PHF24: variants seen among roughly 807,000 people sequenced by gnomAD.
The protein encoded by PHF24 is Galpha inhibitory interacting protein.
PHF24 carries 25 observed loss-of-function variants against 42.6 expected under a neutral mutation model. The observed-to-expected ratio is 0.59, with a 90% confidence interval of 0.43 to 0.82. The LOEUF (loss-of-function observed/expected upper bound fraction) is 0.82, where lower values mean the gene tolerates loss of function less well. PHF24 is among the 40% of genes least tolerant of loss of function. PHF24 has a pLI of 0.00. For synonymous variants in PHF24, 185 were observed against 204.8 expected (o/e 0.90, Z 0.83); for missense variants, 470 against 538.1 (o/e 0.87, Z 1.25).
chr9:34,886,952 C>G, the PHF24 span, among the ~76,000 whole-genome samples: 5 of 152,090 alleles, frequency 3.3e-5, no homozygotes, highest in East Asian at 9.6e-4. Flanking sequence ...GTTATCTAAG[C>G]AACATATACA....
the PHF24 span, among the ~76,000 whole-genome samples, chr9:34,821,324 C>T: frequency 4.0e-5 from 6 of 151,870 alleles, no homozygotes; most frequent in Non-Finnish European, 5.9e-5. Context: ...TGGTTTATGA[C>T]GTTTATTTCT....
At chr9:34,920,513 G>C in the PHF24 span, among the ~76,000 whole-genome samples, 1 of 152,018 alleles carries the variant, frequency 6.6e-6, no homozygotes, top group African/African-American at 2.4e-5. Context: ...TGAAATTTAA[G>C]ATTATTTTTT....
At chr9:34,807,172 T>C in the PHF24 span, among the ~76,000 whole-genome samples, 1 of 152,224 alleles carries the variant, frequency 6.6e-6, no homozygotes, top group Non-Finnish European at 1.5e-5. Context: ...GATGCTACTA[T>C]TGAGTTTTTA....
chr9:34,721,399 TTCTCTC>T, the PHF24 span, among the ~76,000 whole-genome samples: 18,698 of 138,954 alleles, frequency 0.13, 1,165 homozygotes, highest in Middle Eastern at 0.24. Context: ...TGTCTTTCCA[TTCTCTC>T]TCTCTCTCTC....
chr9:34,709,357 C>G, the PHF24 span: 1 of 1,603,432 alleles, frequency 6.2e-7, no homozygotes, highest in Non-Finnish European at 8.5e-7. Flanking sequence ...GCTGGTGAGG[C>G]TGGTGGGGTC....
chr9:34,728,576 G>A, the PHF24 span: 2 of 1,547,208 alleles, frequency 1.3e-6, no homozygotes, highest in Admixed American at 2.0e-5. Context: ...CACCCACAGT[G>A]GAAGGGAGTC....
At chr9:34,794,800 T>A in the PHF24 span, among the ~76,000 whole-genome samples, 1 of 152,084 alleles carries the variant, frequency 6.6e-6, no homozygotes, top group Non-Finnish European at 1.5e-5. Flanking sequence ...AAAGATTTTT[T>A]AAAAAAGAAT....
the PHF24 span, among the ~76,000 whole-genome samples, chr9:34,745,523 G>GA: frequency 6.6e-6 from 1 of 151,498 alleles, no homozygotes; most frequent in South Asian, 2.1e-4. Flanking sequence ...GATGTTAAAG[G>GA]AAAAAAACCA....
the PHF24 span, among the ~76,000 whole-genome samples, chr9:34,807,776 G>A: frequency 6.6e-6 from 1 of 152,208 alleles, no homozygotes; most frequent in Non-Finnish European, 1.5e-5. Context: ...TTGTTATGTG[G>A]GAGATGTGAA....
chr9:34,765,957 T>C, the PHF24 span, among the ~76,000 whole-genome samples: 1 of 151,904 alleles, frequency 6.6e-6, no homozygotes, highest in African/African-American at 2.4e-5. Flanking sequence ...CCTTCACTTA[T>C]GAAGCTTAGT....
At chr9:34,714,164 G>A in the PHF24 span, among the ~76,000 whole-genome samples, 1 of 152,144 alleles carries the variant, frequency 6.6e-6, no homozygotes, top group Admixed American at 6.5e-5. Context: ...CTTAAGCAGG[G>A]CAGGGAGTGA....
chr9:34,917,035 A>G, the PHF24 span: 1 of 572,602 alleles, frequency 1.7e-6, no homozygotes, highest in East Asian at 3.1e-5. Context: ...GTGAACACAA[A>G]TCATGAGGGA....
the PHF24 span, among the ~76,000 whole-genome samples, chr9:34,760,338 G>A: frequency 2.6e-5 from 4 of 152,314 alleles, no homozygotes; most frequent in South Asian, 2.1e-4. Context: ...CATGCCACTG[G>A]TGTGAGACTT....
chr9:34,715,585 C>T, the PHF24 span, among the ~76,000 whole-genome samples: 2 of 152,154 alleles, frequency 1.3e-5, no homozygotes, highest in East Asian at 3.9e-4. Context: ...AAGATGTTGG[C>T]TTGGTGAGCT....
the PHF24 span, among the ~76,000 whole-genome samples, chr9:34,811,196 C>T: frequency 6.6e-6 from 1 of 152,118 alleles, no homozygotes; most frequent in Non-Finnish European, 1.5e-5. Context: ...ATCTGTTTTT[C>T]ACAGATTTTA....
chr9:34,908,855 T>C, the PHF24 span, among the ~76,000 whole-genome samples: 1 of 149,910 alleles, frequency 6.7e-6, no homozygotes, highest in African/African-American at 2.5e-5. Flanking sequence ...TTTTTTTTTT[T>C]TTCTTTTTTT....
At chr9:34,736,080 T>C in the PHF24 span, among the ~76,000 whole-genome samples, 1 of 151,162 alleles carries the variant, frequency 6.6e-6, no homozygotes. Context: ...TCCTCCACAG[T>C]GGAGGAAAAA....
chr9:34,890,008 G>C, the PHF24 span, among the ~76,000 whole-genome samples: 3 of 152,156 alleles, frequency 2.0e-5, no homozygotes, highest in Non-Finnish European at 4.4e-5. Flanking sequence ...GGAACTCAAG[G>C]TTATGGAGAA....
the PHF24 span, among the ~76,000 whole-genome samples, chr9:34,708,546 G>A: frequency 1.3e-5 from 2 of 152,324 alleles, no homozygotes; most frequent in South Asian, 4.1e-4. Context: ...TATAACTTGT[G>A]TTTGTCTGTG....
Sources: gnomAD v4.1 joint callset for allele counts (sites outside exome capture counted in the v4.1 genomes callset) on GRCh38, gnomAD v4.1.1 for gene constraint, MANE v1.5 for transcripts, NCBI Gene and HGNC (gene_info 2026-07-23, HGNC 2026-07-21) for gene names.